Variants in GJA10 observed in about 807,000 individuals in gnomAD.
The protein encoded by GJA10 is gap junction alpha-10 protein.
For synonymous variants in GJA10, 239 were observed against 233.0 expected (o/e 1.03, Z -0.23); for missense variants, 685 against 651.9 (o/e 1.05, Z -0.55).
At chr6:89,896,072 CG>C (rs771614123) in intron 1 of GJA10, 13 of 1,591,520 alleles carry the variant, frequency 8.2e-6, no homozygotes, top group Middle Eastern at 3.3e-4. Flanking sequence ...ATTATTCATT[CG>C]ATACATTCAG....
Position 89,895,554 on chromosome 6 carries a change from T to C in GJA10, c.1086T>C (p.Asn362=), listed in dbSNP as rs113207246. 2,055 of 1,614,160 alleles carry C rather than the reference T, an allele frequency of 1.3e-3. 7 individuals are homozygous for C. The highest frequency in any genetic ancestry group is 1.3e-3 in the Non-Finnish European group (1,571 of 1,180,030). Residue 362 remains asparagine, a synonymous_variant, in exon 1 of 1, where the codon AAT becomes AAC. Transcript: ENST00000369352. ...ACCATTCCTCATTTGGCCTGCAGAA[T>C]ACAATGTCTCAGTCCTGGCTAGGTA... is the stretch of plus-strand genomic sequence containing the variant. ...QSDHSSFGLQ[N]TMSQSWLGTT...
rs894598884 is a variant in GJA10 at position 89,894,657 on chromosome 6, T to C, written c.189T>C (p.Asn63=). 6.8e-6 allele frequency: 11 copies of C among 1,614,120 alleles called. No individual in the cohort carries two copies. The highest frequency in any genetic ancestry group is 1.3e-5 in the African/African-American group (1 of 74,936). Residue 63 remains asparagine (N), a synonymous_variant, in exon 1 of 1, where the codon AAT becomes AAC. Transcript: ENST00000369352. ...ACACCCGGCAGCCAGGTTGCAACAA[T>C]ATCTGTTATGATGATGCATTCCCTA... ...ACNTRQPGCN[N]ICYDDAFPIS...
chr6:89,895,996 G>A lies in GJA10; in HGVS notation c.1528G>A (p.Val510Met), dbSNP rs1036678308. 1.9e-6 allele frequency: 3 copies of A among 1,613,976 alleles called. No individual in the cohort carries two copies. Among genetic ancestry groups the A allele is most frequent in the African/African-American group, 1.3e-5 (1 of 74,882 alleles). ...CFLFPFFLPG[V>M]CMYVCVDREA... ...TCTTTTTCCTTTCTTTCTTCCTGGG[G>A]TGTGTATGTATGTTTGTGTTGACAG... The change falls in exon 1 of 1, where the codon GTG (valine) becomes ATG (methionine). Residue 510 changes from valine (V) to methionine (M), a missense_variant. By Grantham distance (21) the Val-to-Met change is conservative. Coordinates refer to ENST00000369352, the MANE Select transcript of GJA10 (RefSeq NM_032602.2).
At position 89,895,005 on chromosome 6, in the gene GJA10, T is replaced by C. The variant is rs773430390; in HGVS notation, c.537T>C (p.Tyr179=). 7.4e-6 allele frequency: 12 copies of C among 1,614,230 alleles called. No homozygotes were observed. The highest frequency in any genetic ancestry group is 1.3e-5 in the African/African-American group (1 of 75,062). The change falls in exon 1 of 1, where the codon TAT becomes TAC. Residue 179 remains tyrosine (Y), a synonymous_variant. Transcript: ENST00000369352. Reference sequence around the variant, plus strand: ...TCATGATAGGCCAATATATTCTCTATGGGTTTCAAATGCACCCCCTTTACA... The same window carrying C: ...TCATGATAGGCCAATATATTCTCTACGGGTTTCAAATGCACCCCCTTTACA... ...VGFMIGQYIL[Y]GFQMHPLYKC...
At position 89,894,722 on chromosome 6, in the gene GJA10, T is replaced by C. The variant is rs984055825; in HGVS notation, c.254T>C (p.Val85Ala). The change falls in exon 1 of 1, where the codon GTG (valine) becomes GCG (alanine). Residue 85 changes from valine (V) to alanine (A), a missense_variant. Transcript: ENST00000369352. ...TTCTGGGTTTTACAGATCATCTTTG[T>C]GTCTTCTCCTTCTTTGGTCTATATG... ...IRFWVLQIIF[V>A]SSPSLVYMGH... 2.5e-6 allele frequency: 4 copies of C among 1,614,116 alleles called. No individual in the cohort carries two copies. In the African/African-American group the frequency reaches 4.0e-5, roughly 16 times the overall value.
Position 89,895,808 on chromosome 6 carries a change from C to T in GJA10, c.1340C>T (p.Ser447Leu). ...GAAAAGCGACATCTGCACAGTGACT[C>T]AGGAAGCTCTGGTTCTCGGAATAGC... ...LSEKRHLHSD[S>L]GSSGSRNSSC... The change falls in exon 1 of 1, where the codon TCA (serine) becomes TTA (leucine). Residue 447 changes from serine to leucine, a missense_variant. Physicochemically the swap from Ser to Leu is moderately radical, Grantham distance 145. Transcript: ENST00000369352. 6.2e-7 allele frequency: 1 copy of T among 1,614,192 alleles called. No individual in the cohort carries two copies. Among genetic ancestry groups the T allele is most frequent in the Non-Finnish European group, 8.5e-7 (1 of 1,180,042 alleles).
In GJA10 at chr6:89,896,061, AATT is replaced by A; in HGVS notation, c.1597_1599del (p.Ile533del). 6.3e-7 allele frequency: 1 copy of A among 1,597,310 alleles called. No individual in the cohort carries two copies. The highest frequency in any genetic ancestry group is 8.6e-7 in the Non-Finnish European group (1 of 1,168,382). ...GGGGAGATTATTTATGGAGAGATAA[AATT>A]ATTCATTCGATACATTCAGTTAAAT... On this transcript the variant is annotated inframe_deletion, in exon 1 of 1. Transcript: ENST00000369352.
In GJA10 at chr6:89,895,057, G is replaced by A. The variant is rs1771725529; in HGVS notation, c.589G>A (p.Ala197Thr). ...YKCTQPPCPN[A>T]VDCFVSRPTE... is the part of the protein sequence containing the mutation. ...ATGCACTCAACCTCCTTGCCCCAAT[G>A]CGGTGGATTGCTTTGTATCCAGGCC... is the stretch of plus-strand genomic sequence containing the variant. Residue 197 changes from alanine to threonine, a missense_variant, in exon 1 of 1, where the codon GCG (alanine) becomes ACG (threonine). Coordinates refer to ENST00000369352, the MANE Select transcript of GJA10 (RefSeq NM_032602.2). The A allele has an allele frequency of 6.2e-7, 1 of 1,614,124 alleles. No individual in the cohort carries two copies. The highest frequency in any genetic ancestry group is 8.5e-7 in the Non-Finnish European group (1 of 1,180,020).
In GJA10 at chr6:89,894,548, C is replaced by T; in HGVS notation, c.80C>T (p.Thr27Ile). 6.2e-7 allele frequency: 1 copy of T among 1,614,220 alleles called. No homozygotes were observed. The highest frequency in any genetic ancestry group is 8.5e-7 in the Non-Finnish European group (1 of 1,180,034). Residue 27 changes from threonine (T) to isoleucine (I), a missense_variant, in exon 1 of 1, where the codon ACC becomes ATC. Thr to Ile is a moderately conservative substitution (Grantham distance 89). Coordinates refer to ENST00000369352, the MANE Select transcript of GJA10 (RefSeq NM_032602.2). ...HSTIVGKIWLTILFIFRMLVL... is the reference protein window; with the variant it reads ...HSTIVGKIWLIILFIFRMLVL... ...ACCATAGTGGGGAAAATCTGGCTGA[C>T]CATCCTCTTCATCTTCCGAATGCTG...
chr6:89,895,952 T>G lies in GJA10; in HGVS notation c.1484T>G (p.Leu495Arg), dbSNP rs1412914901. 1.9e-6 allele frequency: 3 copies of G among 1,614,090 alleles called. No individual in the cohort carries two copies. Among genetic ancestry groups the G allele is most frequent in the Non-Finnish European group, 2.5e-6 (3 of 1,180,038 alleles). ...ALPIMELSQE[L>R]FHSGCFLFPF... ...CCGATCATGGAACTATCACAAGAGC[T>G]GTTCCATTCTGGATGCTTTCTTTTT... Residue 495 changes from leucine to arginine, a missense_variant, in exon 1 of 1, where the codon CTG becomes CGG. Transcript: ENST00000369352.
In GJA10 at chr6:89,895,750, C is replaced by T. The variant is rs148483302; in HGVS notation, c.1282C>T (p.Arg428Cys). ...GATAGACAGATCTCGCCCAGGCAGT[C>T]GCAAGGCCAGCTTTCTGTCCAGATT... ...VWIDRSRPGS[R>C]KASFLSRLLS... The change falls in exon 1 of 1, where the codon CGC becomes TGC. Residue 428 changes from arginine to cysteine, a missense_variant. By Grantham distance (180) the Arg-to-Cys change is radical (BLOSUM62 -3). Transcript: ENST00000369352. 31 of 1,614,146 alleles carry T rather than the reference C, an allele frequency of 1.9e-5. No homozygotes were observed. Among genetic ancestry groups the T allele is most frequent in the Non-Finnish European group, 2.2e-5 (26 of 1,180,028 alleles).
chr6:89,894,647 G>C lies in GJA10; in HGVS notation c.179G>C (p.Gly60Ala). The C allele has an allele frequency of 1.2e-6, 2 of 1,614,226 alleles. No individual in the cohort carries two copies. The highest frequency in any genetic ancestry group is 1.7e-6 in the Non-Finnish European group (2 of 1,180,046). The stretch of plus-strand genomic sequence containing the variant: ...TTTGCCTGCAACACCCGGCAGCCAG[G>C]TTGCAACAATATCTGTTATGATGAT... ...SAFACNTRQPGCNNICYDDAF... is the reference protein window; with the variant it reads ...SAFACNTRQPACNNICYDDAF... The change falls in exon 1 of 1, where the codon GGT becomes GCT. Residue 60 changes from glycine (G) to alanine (A), a missense_variant. Transcript: ENST00000369352.
Position 89,895,125 on chromosome 6 carries a change from A to G in GJA10, c.657A>G (p.Ala219=). ...TCATGCTTTTTATGCACAGCATTGC[A>G]GCCATTTCCTTGTTACTCAATATAC... is the stretch of plus-strand genomic sequence containing the variant. ...TIFMLFMHSI[A]AISLLLNILE... Residue 219 remains alanine (A), a synonymous_variant, in exon 1 of 1, where the codon GCA becomes GCG. Transcript: ENST00000369352. 3.7e-6 allele frequency: 6 copies of G among 1,614,150 alleles called. No individual in the cohort carries two copies. The Admixed American group carries it at 1.0e-4, about 27-fold the overall frequency.
At position 89,895,483 on chromosome 6, in the gene GJA10, C is replaced by A; in HGVS notation, c.1015C>A (p.Pro339Thr). 1 of 1,614,198 alleles carries A rather than the reference C, an allele frequency of 6.2e-7. No individual in the cohort carries two copies. The highest frequency in any genetic ancestry group is 8.5e-7 in the Non-Finnish European group (1 of 1,180,034). The part of the protein sequence containing the change: ...SGQLHVHSPC[P>T]WAGSAGNQHL... ...ACAGCTCCATGTTCACAGCCCGTGT[C>A]CCTGGGCTGGCAGTGCTGGAAATCA... Residue 339 changes from proline to threonine, a missense_variant, in exon 1 of 1, where the codon CCC becomes ACC. Transcript: ENST00000369352.
Position 89,895,800 on chromosome 6 carries a change from C to T in GJA10, c.1332C>T (p.His444=). The T allele has an allele frequency of 6.2e-7, 1 of 1,614,172 alleles. No individual in the cohort carries two copies. Among genetic ancestry groups the T allele is most frequent in the East Asian group, 2.2e-5 (1 of 44,876 alleles). ...SRLLSEKRHL[H]SDSGSSGSRN... is the part of the protein sequence containing the mutation. ...TGTTGTCTGAAAAGCGACATCTGCACAGTGACTCAGGAAGCTCTGGTTCTC... is the reference window on the plus strand; with the variant it reads ...TGTTGTCTGAAAAGCGACATCTGCATAGTGACTCAGGAAGCTCTGGTTCTC... The change falls in exon 1 of 1, where the codon CAC becomes CAT. Residue 444 remains histidine, a synonymous_variant. Transcript: ENST00000369352.
chr6:89,894,786 C>T lies in GJA10; in HGVS notation c.318C>T (p.Asp106=), dbSNP rs765329772. The change falls in exon 1 of 1, where the codon GAC becomes GAT. Residue 106 remains aspartate (D), a synonymous_variant. Transcript: ENST00000369352. ...ALYRLRAFEK[D]RQRKKSHLRA... ...ATAGGCTCAGGGCCTTTGAGAAAGACAGGCAGAGGAAAAAGTCACACCTTA... is the reference window on the plus strand; with the variant it reads ...ATAGGCTCAGGGCCTTTGAGAAAGATAGGCAGAGGAAAAAGTCACACCTTA... The T allele has an allele frequency of 5.6e-6, 9 of 1,614,044 alleles. No individual in the cohort carries two copies. The Middle Eastern group carries it at 4.9e-4, about 88-fold the overall frequency.
Position 89,894,662 on chromosome 6 carries a change from G to C in GJA10, c.194G>C (p.Cys65Ser). The C allele has an allele frequency of 6.2e-7, 1 of 1,614,226 alleles. No homozygotes were observed. Among genetic ancestry groups the C allele is most frequent in the Non-Finnish European group, 8.5e-7 (1 of 1,180,042 alleles). The change falls in exon 1 of 1, where the codon TGT becomes TCT. Residue 65 changes from cysteine (C) to serine (S), a missense_variant. Physicochemically the swap from Cys to Ser is moderately radical, Grantham distance 112. Transcript: ENST00000369352. ...CGGCAGCCAGGTTGCAACAATATCTGTTATGATGATGCATTCCCTATCTCT... is the reference window on the plus strand; with the variant it reads ...CGGCAGCCAGGTTGCAACAATATCTCTTATGATGATGCATTCCCTATCTCT... ...NTRQPGCNNI[C>S]YDDAFPISLI...
Position 89,895,342 on chromosome 6 carries a change from A to C in GJA10, c.874A>C (p.Ile292Leu). The C allele has an allele frequency of 6.2e-7, 1 of 1,614,214 alleles. No homozygotes were observed. Among genetic ancestry groups the C allele is most frequent in the Non-Finnish European group, 8.5e-7 (1 of 1,180,038 alleles). ...TCAAGCTAACAATCAACAGCAAGTC[A>C]TTCGAGTTAATGTGCCAAAGTCTAA... ...PLQANNQQQVIRVNVPKSKTM... is the reference protein window; with the variant it reads ...PLQANNQQQVLRVNVPKSKTM... Residue 292 changes from isoleucine (I) to leucine (L), a missense_variant, in exon 1 of 1, where the codon ATT becomes CTT. By Grantham distance (5) the Ile-to-Leu change is conservative. Coordinates refer to ENST00000369352, the MANE Select transcript of GJA10 (RefSeq NM_032602.2).
rs1184100266 is a variant in GJA10, at chr6:89,895,294, T to C, written c.826T>C (p.Leu276=). ...VAQQCMICSS[L]PERISPLQAN... ...CCAGCAGTGTATGATTTGCTCTTCA[T>C]TGCCTGAAAGAATCTCTCCACTTCA... Residue 276 remains leucine (L), a synonymous_variant, in exon 1 of 1, where the codon TTG becomes CTG. Transcript: ENST00000369352. The C allele has an allele frequency of 1.9e-6, 3 of 1,614,224 alleles. No individual in the cohort carries two copies. The highest frequency in any genetic ancestry group is 1.7e-6 in the Non-Finnish European group (2 of 1,180,044).
Sources: gnomAD v4.1 joint callset for allele counts on GRCh38, gnomAD v4.1.1 for gene constraint, MANE v1.5 for transcripts, NCBI Gene and HGNC (gene_info 2026-07-23, HGNC 2026-07-21) for gene names.